The following KRT86 variants were observed in gnomAD, a reference collection of about 807,000 sequenced individuals.
KRT86 encodes keratin 86, also known as keratin, type II cuticular Hb6.
In KRT86, 30 loss-of-function variants were observed where a neutral mutation model predicts 41.2. The ratio of observed to expected loss-of-function variants is 0.73; its 90% CI spans 0.54 to 0.99. The LOEUF (loss-of-function observed/expected upper bound fraction) is 0.99. Among genes scored for constraint, KRT86 ranks in the 50% least tolerant of loss-of-function variants. The probability of loss-of-function intolerance (pLI) is 0.00; values close to 1 mark genes in which losing one functional copy is unlikely to be tolerated. For synonymous variants in KRT86, 238 were observed against 238.1 expected (o/e 1.00, Z 0.00); for missense variants, 561 against 571.4 (o/e 0.98, Z 0.19).
Position 52,295,125 on chromosome 12 carries a change from AT to A in KRT86, c.-4-6780del, listed in dbSNP as rs1027424133. Among the ~76,000 whole-genome samples, 13 of 152,038 alleles carry A rather than the reference AT, an allele frequency of 8.6e-5. No homozygotes were observed. The East Asian group carries it at 1.4e-3, about 16-fold the overall frequency. On this transcript the variant is annotated intron_variant, in intron 2 of 10. Transcript: ENST00000423955. ...AAGAGTTTTTCTGGGGTATGTGGCTATTTTTTTTAAAGTTATGTCAGTAGTA... is the reference window on the plus strand; with the variant it reads ...AAGAGTTTTTCTGGGGTATGTGGCTATTTTTTTAAAGTTATGTCAGTAGTA...
At chr12:52,293,187 G>T (rs145208626) in intron 2 of KRT86, among the ~76,000 whole-genome samples, 67 of 152,230 alleles carry the variant, frequency 4.4e-4, no homozygotes, top group African/African-American at 1.4e-3. Flanking sequence ...ATCTTAGTTT[G>T]ATAAGAATAT....
intron 9 of KRT86, chr12:52,307,111 G>T (rs1036112741): frequency 6.6e-6 from 1 of 152,272 alleles, no homozygotes; most frequent in Non-Finnish European, 1.5e-5. Context: ...TGGGGATGCA[G>T]AGGGAGCATC....
intron 2 of KRT86, chr12:52,286,699 A>C: frequency 7.1e-7 from 1 of 1,403,340 alleles, no homozygotes; most frequent in Non-Finnish European, 1.0e-6. Flanking sequence ...CCACTCTTTT[A>C]TATTCAATCT....
At chr12:52,278,333 A>G (rs1017463980) in intron 2 of KRT86, among the ~76,000 whole-genome samples, 10 of 152,004 alleles carry the variant, frequency 6.6e-5, no homozygotes, top group Non-Finnish European at 1.3e-4. Flanking sequence ...GACACACACT[A>G]GTCTTCAGAT....
chr12:52,288,827 C>G (rs937368638), intron 2 of KRT86, among the ~76,000 whole-genome samples: 5 of 152,098 alleles, frequency 3.3e-5, no homozygotes, highest in African/African-American at 9.7e-5. Context: ...CTCCATCCCC[C>G]CTTAGACCCT....
Position 52,308,614 on chromosome 12 carries a change from G to A in KRT86, c.*29G>A, listed in dbSNP as rs779167469. 5.7e-6 allele frequency: 9 copies of A among 1,587,614 alleles called. No homozygotes were observed. The East Asian group carries it at 2.0e-4, about 36-fold the overall frequency. ...GCTGCCGCCTCCGCCAGCGCCTGTC[G>A]CCGTCACTCTCCACCCAGCCAGTAC... On this transcript the variant is annotated 3_prime_UTR_variant, in exon 11 of 11. Transcript: ENST00000423955.
At chr12:52,288,557 C>G in intron 2 of KRT86, 1 of 1,375,724 alleles carries the variant, frequency 7.3e-7, no homozygotes, top group Non-Finnish European at 1.0e-6. Context: ...GAAAGCAGTC[C>G]CTGGTGTCCC....
chr12:52,298,913 G>A (rs1938310232), intron 2 of KRT86, among the ~76,000 whole-genome samples: 1 of 151,812 alleles, frequency 6.6e-6, no homozygotes, highest in Non-Finnish European at 1.5e-5. Context: ...CAGAGTACTT[G>A]GAATATCCAT....
Position 52,308,683 on chromosome 12 carries a change from C to T in KRT86, c.*98C>T. 2 of 1,168,602 alleles carry T rather than the reference C, an allele frequency of 1.7e-6. No homozygotes were observed. The highest frequency in any genetic ancestry group is 1.3e-5 in the South Asian group (1 of 75,126). 72.4% of individuals were successfully genotyped at this position (1,168,602 alleles called of 1,614,324 possible). On this transcript the variant is annotated 3_prime_UTR_variant, in exon 11 of 11. Coordinates refer to ENST00000423955, the MANE Select transcript of KRT86 (RefSeq NM_001320198.2). ...GCCGCCCGCGCCGGCCTCCCAATAG[C>T]CGCCGCCCGCTGCCTGCACTCTAAG... is the stretch of plus-strand genomic sequence containing the variant.
chr12:52,305,871 C>T, intron 8 of KRT86, 83 bp downstream of exon 8: 1 of 1,611,280 alleles, frequency 6.2e-7, no homozygotes, highest in South Asian at 1.1e-5. Context: ...ATCTGGATCT[C>T]AGCATTCATT....
intron 1 of KRT86, 85 bp from the exon 2 acceptor site, chr12:52,275,736 C>T (rs1433646239): frequency 8.3e-6 from 4 of 483,642 alleles, no homozygotes; most frequent in Non-Finnish European, 1.1e-5. Context: ...AGCTAGGTGA[C>T]CACTGGTGAC....
Position 52,287,956 on chromosome 12 carries a change from T to C in KRT86, c.-5+12010T>C, listed in dbSNP as rs762015881. On this transcript the variant is annotated intron_variant, in intron 2 of 10. Coordinates refer to ENST00000423955, the MANE Select transcript of KRT86 (RefSeq NM_001320198.2). ...CTCACATCCCTCCCACTGACACGTCTAGCAGGCAGGTGTCCTGTGCCACTC... is the reference window on the plus strand; with the variant it reads ...CTCACATCCCTCCCACTGACACGTCCAGCAGGCAGGTGTCCTGTGCCACTC... 3.1e-6 allele frequency: 5 copies of C among 1,614,024 alleles called. No individual in the cohort carries two copies. The African/African-American group carries it at 6.7e-5, about 22-fold the overall frequency.
chr12:52,280,000 G>A (rs949480171), intron 2 of KRT86, among the ~76,000 whole-genome samples: 2 of 152,190 alleles, frequency 1.3e-5, no homozygotes, highest in Non-Finnish European at 2.9e-5. Flanking sequence ...GGGTGAGATG[G>A]GGATTGGGCC....
At chr12:52,286,899 G>T (rs1937960841) in intron 2 of KRT86, 1 of 1,570,860 alleles carries the variant, frequency 6.4e-7, no homozygotes. Context: ...TCATAGGGTA[G>T]GGTCCACAAC....
chr12:52,304,889 G>A (rs1235512692), intron 5 of KRT86, 43 bp from the exon 6 acceptor site: 1 of 1,603,158 alleles, frequency 6.2e-7, no homozygotes, highest in Non-Finnish European at 8.5e-7. Flanking sequence ...CTAGAGGCTG[G>A]ATCACCAGGG....
In KRT86 at chr12:52,305,246, C is replaced by G. The variant is rs368604832; in HGVS notation, c.742C>G (p.Arg248Gly). The change falls in exon 7 of 11, where the codon CGC (arginine) becomes GGC (glycine). Residue 248 changes from arginine (R) to glycine (G), a missense_variant. Around this residue, in one of 3 missense-constraint regions of KRT86, gnomAD observed 397 missense variants for 375.9 expected, o/e 1.06. Coordinates refer to ENST00000423955, the MANE Select transcript of KRT86 (RefSeq NM_001320198.2). ...FLRRLYEEEI[R>G]VLQSHISDTS... ...CTGCCCTCACCTCCTGCAGGAGATC[C>G]GCGTTCTCCAGTCCCACATCTCAGA... is the stretch of plus-strand genomic sequence containing the variant. 3.1e-6 allele frequency: 5 copies of G among 1,614,072 alleles called. No individual in the cohort carries two copies. Among genetic ancestry groups the G allele is most frequent in the African/African-American group, 1.3e-5 (1 of 74,924 alleles).
intron 2 of KRT86, chr12:52,291,400 G>C (rs756076197): frequency 1.9e-6 from 3 of 1,610,108 alleles, no homozygotes; most frequent in Admixed American, 1.7e-5. Flanking sequence ...AGCAGCGGCC[G>C]GGCCGCGGCC....
intron 2 of KRT86, chr12:52,288,390 T>C: frequency 6.2e-7 from 1 of 1,614,064 alleles, no homozygotes; most frequent in Non-Finnish European, 8.5e-7. Flanking sequence ...AGGAAGTCGA[T>C]CTCCTGGATC....
Position 52,302,132 on chromosome 12 carries a change from G to A in KRT86, c.216G>A (p.Gly72=), listed in dbSNP as rs1490811751. 7 of 1,529,488 alleles carry A rather than the reference G, an allele frequency of 4.6e-6. No homozygotes were observed. In the Admixed American group the frequency reaches 7.9e-5, roughly 17 times the overall value. The allele number at this position is 1,529,488 out of a possible 1,614,324, so 94.7% of individuals were successfully genotyped here. ...GCTACCGCTCCGGGGGCGTGTGCGG[G>A]CCCAGTCCCCCATGCATCACCACCG... ...SFGYRSGGVC[G]PSPPCITTVS... is the part of the protein sequence containing the mutation. Residue 72 remains glycine (G), a synonymous_variant, in exon 3 of 11, where the codon GGG becomes GGA. Coordinates refer to ENST00000423955, the MANE Select transcript of KRT86 (RefSeq NM_001320198.2).
Sources: gnomAD v4.1 joint callset for allele counts (sites outside exome capture counted in the v4.1 genomes callset) on GRCh38, gnomAD v4.1.1 for gene constraint, gnomAD v4.1.1 regional missense constraint, MANE v1.5 for transcripts, NCBI Gene and HGNC (gene_info 2026-07-23, HGNC 2026-07-21) for gene names.